The following AKAP7 variants were observed in gnomAD, a reference collection of about 807,000 sequenced individuals.
AKAP7 encodes the protein A-kinase anchoring protein 7.
A neutral mutation model predicts 39.5 loss-of-function variants in AKAP7; 39 were observed. The observed-to-expected ratio is 0.99, with a 90% CI of 0.76 to 1.29. The LOEUF is 1.29. AKAP7 is among the 50% of genes most tolerant of loss of function. The pLI is 0.00. For synonymous variants in AKAP7, 140 were observed against 139.1 expected (o/e 1.01, Z -0.05); for missense variants, 414 against 407.7 (o/e 1.02, Z -0.13).
chr6:131,245,187 T>C (rs1018593209), intron 7 of AKAP7, among the ~76,000 whole-genome samples: 1 of 151,806 alleles, frequency 6.6e-6, no homozygotes, highest in Non-Finnish European at 1.5e-5. Context: ...GGCTAAACAA[T>C]AAAGAAGCAT....
chr6:131,134,681 A>T (rs997914946), upstream of AKAP7, among the ~76,000 whole-genome samples: 12 of 152,196 alleles, frequency 7.9e-5, no homozygotes, highest in African/African-American at 2.2e-4. Context: ...TGAAAATCAG[A>T]GTAACTAGTT....
chr6:131,256,729 T>TA (rs930614285), intron 7 of AKAP7, among the ~76,000 whole-genome samples: 2 of 151,226 alleles, frequency 1.3e-5, no homozygotes, highest in African/African-American at 4.9e-5. Flanking sequence ...TTATTATTAT[T>TA]ATTATTAAAG....
intron 5 of AKAP7, among the ~76,000 whole-genome samples, chr6:131,172,154 T>C (rs1804120604): frequency 6.6e-6 from 1 of 152,150 alleles, no homozygotes; most frequent in African/African-American, 2.4e-5. Context: ...AACTTATAGC[T>C]TCAGTGAAGT....
chr6:131,269,869 A>C (rs1489606482), intron 7 of AKAP7, among the ~76,000 whole-genome samples: 1 of 152,188 alleles, frequency 6.6e-6, no homozygotes, highest in Non-Finnish European at 1.5e-5. Context: ...AAGGAAAGCA[A>C]CTGAGAATCT....
chr6:131,283,369 G>A lies in AKAP7; in HGVS notation c.*1643G>A, dbSNP rs193003697. On this transcript the variant is annotated 3_prime_UTR_variant, in exon 8 of 8. Coordinates refer to ENST00000431975, the MANE Select transcript of AKAP7 (RefSeq NM_016377.4). ...AGTCATTGATGGAGTAGATCATGAT[G>A]GAGGGGAAATCACTGGAGATCAAAT... The A allele has an allele frequency of 1.3e-5, 2 of 152,630 alleles. No individual in the cohort carries two copies. The highest frequency in any genetic ancestry group is 3.9e-4 in the East Asian group (2 of 5,188). 9.5% of individuals were successfully genotyped at this position (152,630 alleles called of 1,614,324 possible).
intron 6 of AKAP7, among the ~76,000 whole-genome samples, chr6:131,218,891 A>AT (rs1178588130): frequency 3.3e-5 from 5 of 152,134 alleles, no homozygotes; most frequent in South Asian, 4.1e-4. Context: ...TTATTAGGGC[A>AT]TTTTTTCCAC....
chr6:131,160,709 C>G (rs1336061646), intron 3 of AKAP7, among the ~76,000 whole-genome samples: 1 of 152,128 alleles, frequency 6.6e-6, no homozygotes, highest in African/African-American at 2.4e-5. Flanking sequence ...GCTGCTTAAT[C>G]TTGTTTATTA....
intron 4 of AKAP7, 25 bp from the exon 5 acceptor site, chr6:131,169,088 T>C (rs772677374): frequency 2.6e-6 from 4 of 1,561,294 alleles, no homozygotes; most frequent in Non-Finnish European, 3.5e-6. Context: ...AATGTGTTAC[T>C]GAAAAATGTA....
rs1419393440 is a variant in AKAP7 at position 131,230,489 on chromosome 6, T to C, written c.850+10681T>C. On this transcript the variant is annotated intron_variant, in intron 7 of 7. Transcript: ENST00000431975. ...TAAGTTCCTTACAATTTCTGGAAAT[T>C]AGACCTTTGTTGGATGCATAGTTTG... Among the ~76,000 whole-genome samples, 2 of 152,192 alleles carry C rather than the reference T, an allele frequency of 1.3e-5. 1 individual carries two copies. The highest frequency in any genetic ancestry group is 3.8e-4 in the East Asian group (2 of 5,196).
chr6:131,152,804 GC>G (rs1351777637), intron 2 of AKAP7, among the ~76,000 whole-genome samples: 1 of 127,376 alleles, frequency 7.9e-6, no homozygotes, highest in Non-Finnish European at 1.6e-5. Flanking sequence ...TGCAGCCTGG[GC>G]AACAAAGCAA....
intron 7 of AKAP7, among the ~76,000 whole-genome samples, chr6:131,239,899 T>G (rs1040951930): frequency 1.3e-5 from 2 of 152,214 alleles, no homozygotes; most frequent in African/African-American, 4.8e-5. Context: ...AGCCTTCTTC[T>G]CTCAACTTGT....
chr6:131,157,938 T>A (rs1802571078), intron 2 of AKAP7, among the ~76,000 whole-genome samples: 1 of 152,228 alleles, frequency 6.6e-6, no homozygotes, highest in African/African-American at 2.4e-5. Flanking sequence ...GCCACCTTGC[T>A]CTTAGTTTAC....
At chr6:131,178,162 G>A (rs1402016831) in intron 5 of AKAP7, among the ~76,000 whole-genome samples, 4 of 152,170 alleles carry the variant, frequency 2.6e-5, no homozygotes, top group African/African-American at 9.7e-5. Flanking sequence ...AGTAGCACGA[G>A]CACAATCTGT....
chr6:131,248,750 AT>A (rs1381341370), intron 7 of AKAP7, among the ~76,000 whole-genome samples: 1 of 152,146 alleles, frequency 6.6e-6, no homozygotes, highest in African/African-American at 2.4e-5. Context: ...GTTACAGGCC[AT>A]TTATTTGCTT....
chr6:131,242,245 T>G, intron 7 of AKAP7: 2 of 953,658 alleles, frequency 2.1e-6, no homozygotes, highest in South Asian at 9.7e-5. Flanking sequence ...CATCACAGTT[T>G]TATATTTGGT....
chr6:131,271,548 T>C (rs892324985), intron 7 of AKAP7, among the ~76,000 whole-genome samples: 1 of 152,170 alleles, frequency 6.6e-6, no homozygotes, highest in Non-Finnish European at 1.5e-5. Flanking sequence ...CTTTACATTT[T>C]CATAAAATTT....
chr6:131,268,079 T>C (rs997136791), intron 7 of AKAP7, among the ~76,000 whole-genome samples: 1 of 152,142 alleles, frequency 6.6e-6, no homozygotes, highest in Admixed American at 6.5e-5. Context: ...GAGGAAGTAA[T>C]TGTATTGCAT....
chr6:131,127,138 T>C, the AKAP7 span, among the ~76,000 whole-genome samples: 1 of 152,036 alleles, frequency 6.6e-6, no homozygotes, highest in Non-Finnish European at 1.5e-5. Context: ...CTCTGCCTCC[T>C]GGATGCAAGC....
chr6:131,139,064 C>T (rs763285074), intron 1 of AKAP7, among the ~76,000 whole-genome samples: 2 of 152,208 alleles, frequency 1.3e-5, no homozygotes, highest in African/African-American at 2.4e-5. Context: ...TATTTTAAGG[C>T]AGTTTTCCAA....
Sources: allele counts gnomAD v4.1 joint callset (sites outside exome capture counted in the v4.1 genomes callset), GRCh38; gene constraint gnomAD v4.1.1; transcripts MANE v1.5; gene names NCBI Gene and HGNC (gene_info 2026-07-23, HGNC 2026-07-21).